The following DDAH2 variants were observed in gnomAD, a reference collection of about 807,000 sequenced individuals.
DDAH2 encodes putative hydrolase DDAH2.
In DDAH2, 8 loss-of-function variants were observed where a neutral mutation model predicts 24.8. The observed-to-expected ratio is 0.32, with a 90% CI of 0.19 to 0.58. The LOEUF (loss-of-function observed/expected upper bound fraction) is 0.58, where lower values mean the gene tolerates loss of function less well. Among genes scored for constraint, DDAH2 ranks in the 20% least tolerant of loss-of-function variants. The probability of loss-of-function intolerance (pLI) is 0.87; values close to 1 mark genes in which losing one functional copy is unlikely to be tolerated. For missense variants in DDAH2, 281 were observed against 379.0 expected (o/e 0.74, Z 2.15); for synonymous variants, 151 against 166.1 (o/e 0.91, Z 0.70).
rs750822347 is a variant in DDAH2, at chr6:31,727,161, CTCTA to C, written c.*72_*75del. On this transcript the variant is annotated 3_prime_UTR_variant, in exon 6 of 6. Transcript: ENST00000375789. The surrounding 1 kb of genome is among the most constrained non-coding windows in gnomAD (Gnocchi z 6.0). ...TCCCAACTACTGCCTATTCAGCATT[CTCTA>C]TCTAACCCTCCTTCCCCTTCTACTT... 9.1e-7 allele frequency: 1 copy of C among 1,098,722 alleles called. No individual in the cohort carries two copies. The highest frequency in any genetic ancestry group is 1.6e-5 in the African/African-American group (1 of 64,440). The allele number at this position is 1,098,722 out of a possible 1,614,324, so 68.1% of individuals were successfully genotyped here.
chr6:31,729,314 C>G, upstream of DDAH2: 1 of 655,180 alleles, frequency 1.5e-6, no homozygotes, highest in East Asian at 2.7e-5. This position sits in a 1 kb window ranked among gnomAD's most constrained non-coding sequence, Gnocchi z 6.7. Flanking sequence ...AGGTCTTCCT[C>G]CTGCCATCTC....
In DDAH2 at chr6:31,728,483, G is replaced by C. The variant is rs1047718950; in HGVS notation, c.439C>G (p.Arg147Gly). 2 of 1,612,702 alleles carry C rather than the reference G, an allele frequency of 1.2e-6. No individual in the cohort carries two copies. Among genetic ancestry groups the C allele is most frequent in the African/African-American group, 2.7e-5 (2 of 74,932 alleles). Residue 147 changes from arginine (R) to glycine (G), a missense_variant, in exon 3 of 6, where the codon CGA (arginine) becomes GGA (glycine). Arg to Gly is a moderately radical substitution (Grantham distance 125). Coordinates refer to ENST00000375789, the MANE Select transcript of DDAH2 (RefSeq NM_001303007.2). This position sits in a 1 kb window ranked among gnomAD's most constrained non-coding sequence, Gnocchi z 9.8. The stretch of plus-strand genomic sequence containing the variant: ...GTGTCCGCCACGATCTCAGCTCCTC[G>C]GTGATTGGTCCATTTGGAGAGGCCT... ...FVGLSKWTNH[R>G]GAEIVADTFR...
chr6:31,729,553 G>T (rs756067525), upstream of DDAH2: 7 of 245,408 alleles, frequency 2.9e-5, no homozygotes, highest in South Asian at 5.6e-4. This position sits in a 1 kb window ranked among gnomAD's most constrained non-coding sequence, Gnocchi z 6.7. Context: ...AAATGCAGCA[G>T]CCCCGCCCCC....
In DDAH2 at chr6:31,727,182, C is replaced by T. The variant is rs1807440218; in HGVS notation, c.*55G>A. Reference sequence around the variant, plus strand: ...CATTCTCTATCTAACCCTCCTTCCCCTTCTACTTCCTATACTATCCTACCC... The same window carrying T: ...CATTCTCTATCTAACCCTCCTTCCCTTTCTACTTCCTATACTATCCTACCC... On this transcript the variant is annotated 3_prime_UTR_variant, in exon 6 of 6. Coordinates refer to ENST00000375789, the MANE Select transcript of DDAH2 (RefSeq NM_001303007.2). The surrounding 1 kb of genome is among the most constrained non-coding windows in gnomAD (Gnocchi z 6.0). 2 of 1,338,714 alleles carry T rather than the reference C, an allele frequency of 1.5e-6. No homozygotes were observed. Among genetic ancestry groups the T allele is most frequent in the Non-Finnish European group, 2.1e-6 (2 of 937,422 alleles). 82.9% of individuals were successfully genotyped at this position (1,338,714 alleles called of 1,614,324 possible).
Position 31,728,317 on chromosome 6 carries a change from C to T in DDAH2, c.472-25G>A, listed in dbSNP as rs1807552198. Reference sequence around the variant, plus strand: ...CCTAGGGAGAGCGAAGGGAGGTATTCAGGGGCGCGGGAGGGGTGATGGGGT... The same window carrying T: ...CCTAGGGAGAGCGAAGGGAGGTATTTAGGGGCGCGGGAGGGGTGATGGGGT... On this transcript the variant is annotated intron_variant, in intron 3 of 5. Transcript: ENST00000375789. The surrounding 1 kb of genome is among the most constrained non-coding windows in gnomAD (Gnocchi z 9.8). 2 of 1,605,198 alleles carry T rather than the reference C, an allele frequency of 1.2e-6. No individual in the cohort carries two copies. Among genetic ancestry groups the T allele is most frequent in the South Asian group, 2.2e-5 (2 of 90,530 alleles).
upstream of DDAH2, chr6:31,729,379 C>A: frequency 3.4e-6 from 2 of 588,000 alleles, no homozygotes; most frequent in Non-Finnish European, 3.0e-6. This position sits in a 1 kb window ranked among gnomAD's most constrained non-coding sequence, Gnocchi z 6.7. Flanking sequence ...TCCTGTCGAC[C>A]TCACTCTACC....
In DDAH2 at chr6:31,727,119, C is replaced by A. The variant is rs1807432591; in HGVS notation, c.*118G>T. 1.3e-6 allele frequency: 1 copy of A among 754,010 alleles called. No homozygotes were observed. Among genetic ancestry groups the A allele is most frequent in the Non-Finnish European group, 2.3e-6 (1 of 430,064 alleles). 46.7% of individuals were successfully genotyped at this position (754,010 alleles called of 1,614,324 possible). On this transcript the variant is annotated 3_prime_UTR_variant, in exon 6 of 6. Coordinates refer to ENST00000375789, the MANE Select transcript of DDAH2 (RefSeq NM_001303007.2). The surrounding 1 kb of genome is among the most constrained non-coding windows in gnomAD (Gnocchi z 6.0). ...CCTTTTCCCTACACTCTCCCCTCCC[C>A]CAATATTGAGGCTCTCTCCCAACTA...
rs751063270 is a variant in DDAH2 at position 31,727,569 on chromosome 6, C to T, written c.715G>A (p.Gly239Ser). Reference protein sequence around the residue: ...GVPPFLLHRGGGDLPNSQEAL... With the variant: ...GVPPFLLHRGSGDLPNSQEAL... ...TCCTGGCTGTTGGGCAGATCCCCAC[C>T]TCCACGGTGCAGGAGGAAAGGGGGC... Residue 239 changes from glycine (G) to serine (S), a missense_variant, in exon 5 of 6, where the codon GGT becomes AGT. By Grantham distance (56) the Gly-to-Ser change is moderately conservative. Transcript: ENST00000375789. This position sits in a 1 kb window ranked among gnomAD's most constrained non-coding sequence, Gnocchi z 6.0. 6.2e-7 allele frequency: 1 copy of T among 1,613,090 alleles called. No homozygotes were observed. The highest frequency in any genetic ancestry group is 1.1e-5 in the South Asian group (1 of 91,082).
rs755755817 is a variant in DDAH2 at position 31,728,901 on chromosome 6, T to A, written c.261A>T (p.Leu87=). 6.2e-7 allele frequency: 1 copy of A among 1,613,036 alleles called. No individual in the cohort carries two copies. The highest frequency in any genetic ancestry group is 8.5e-7 in the Non-Finnish European group (1 of 1,180,004). The stretch of plus-strand genomic sequence containing the variant: ...GAGCGGGGCTCCAGGGCCGCGTGAT[T>A]AGGGCCGTGTCCCCTTGGATCACGG... ...DTAVIQGDTA[L]ITRPWSPARR... Residue 87 remains leucine (L), a synonymous_variant, in exon 1 of 6, where the codon CTA becomes CTT. Coordinates refer to ENST00000375789, the MANE Select transcript of DDAH2 (RefSeq NM_001303007.2). The surrounding 1 kb of genome is among the most constrained non-coding windows in gnomAD (Gnocchi z 9.8).
rs1807447657 is a variant in DDAH2 at position 31,727,255 on chromosome 6, G to A, written c.840C>T (p.Ser280=). The A allele has an allele frequency of 6.2e-7, 1 of 1,612,874 alleles. No homozygotes were observed. Among genetic ancestry groups the A allele is most frequent in the Admixed American group, 1.7e-5 (1 of 60,008 alleles). The part of the protein sequence containing the change: ...AGLSSLCLVL[S]TRPHS ...CAGGCCCTCAGCTGTGGGGGCGTGT[G>A]CTGAGCACCAAGCAGAGGGAGCTGA... The change falls in exon 6 of 6, where the codon AGC becomes AGT. Residue 280 remains serine, a synonymous_variant. Coordinates refer to ENST00000375789, the MANE Select transcript of DDAH2 (RefSeq NM_001303007.2). This position sits in a 1 kb window ranked among gnomAD's most constrained non-coding sequence, Gnocchi z 6.0.
In DDAH2 at chr6:31,727,115, T is replaced by A. The variant is rs749902463; in HGVS notation, c.*122A>T. 29 of 734,632 alleles carry A rather than the reference T, an allele frequency of 3.9e-5. No individual in the cohort carries two copies. The highest frequency in any genetic ancestry group is 6.5e-5 in the Non-Finnish European group (27 of 414,230). The allele number at this position is 734,632 out of a possible 1,614,324, so 45.5% of individuals were successfully genotyped here. ...GGATCCTTTTCCCTACACTCTCCCC[T>A]CCCCCAATATTGAGGCTCTCTCCCA... On this transcript the variant is annotated 3_prime_UTR_variant, in exon 6 of 6. Transcript: ENST00000375789. This position sits in a 1 kb window ranked among gnomAD's most constrained non-coding sequence, Gnocchi z 6.0.
rs572339787 is a variant in DDAH2 at position 31,728,137 on chromosome 6, C to T, written c.591+36G>A. The T allele has an allele frequency of 8.2e-5, 131 of 1,606,834 alleles. No individual in the cohort carries two copies. The East Asian group carries it at 2.9e-3, about 35-fold the overall frequency. ...AGCTCCCGGCCTCCCGGGCCCAGAA[C>T]TGCGCCCACTTTCGTTGGCCCCGCC... On this transcript the variant is annotated intron_variant, in intron 4 of 5. Transcript: ENST00000375789. The surrounding 1 kb of genome is among the most constrained non-coding windows in gnomAD (Gnocchi z 9.8).
Position 31,728,550 on chromosome 6 carries a change from T to G in DDAH2, c.398-26A>C, listed in dbSNP as rs1361469778. 1.2e-6 allele frequency: 2 copies of G among 1,612,552 alleles called. No individual in the cohort carries two copies. The highest frequency in any genetic ancestry group is 1.7e-6 in the Non-Finnish European group (2 of 1,179,844). On this transcript the variant is annotated intron_variant, in intron 2 of 5. Coordinates refer to ENST00000375789, the MANE Select transcript of DDAH2 (RefSeq NM_001303007.2). The surrounding 1 kb of genome is among the most constrained non-coding windows in gnomAD (Gnocchi z 9.8). ...CTGAGTCCGGGAGGCCGCGGAGGTT[T>G]GAGGGCGGGAGTGAGTTAGAAACAA...
rs953379428 is a variant in DDAH2 at position 31,727,485 on chromosome 6, A to G, written c.741+58T>C. The stretch of plus-strand genomic sequence containing the variant: ...GTACCCTTCCTTCCTCCCACTAGGA[A>G]AGCCTGAAACTCTTTTCTCTGATGG... On this transcript the variant is annotated intron_variant, in intron 5 of 5. Coordinates refer to ENST00000375789, the MANE Select transcript of DDAH2 (RefSeq NM_001303007.2). This position sits in a 1 kb window ranked among gnomAD's most constrained non-coding sequence, Gnocchi z 6.0. The G allele has an allele frequency of 1.9e-6, 3 of 1,612,188 alleles. No homozygotes were observed. The African/African-American group carries it at 4.0e-5, about 22-fold the overall frequency.
rs771138152 is a variant in DDAH2 at position 31,729,108 on chromosome 6, T to C, written c.54A>G (p.Gly18=). ...CCCCCGACGCCAGGCTCTCTGGGAC[T>C]CCCCGGATCAGGGCATGGGAGCAGC... The part of the protein sequence containing the change: ...LGRCSHALIR[G]VPESLASGEG... Residue 18 remains glycine, a synonymous_variant, in exon 1 of 6, where the codon GGA becomes GGG. Coordinates refer to ENST00000375789, the MANE Select transcript of DDAH2 (RefSeq NM_001303007.2). The surrounding 1 kb of genome is among the most constrained non-coding windows in gnomAD (Gnocchi z 6.7). 2 of 1,612,818 alleles carry C rather than the reference T, an allele frequency of 1.2e-6. No individual in the cohort carries two copies.
Position 31,727,256 on chromosome 6 carries a change from C to T in DDAH2, c.839G>A (p.Ser280Asn), listed in dbSNP as rs1807448196. 6.2e-7 allele frequency: 1 copy of T among 1,612,892 alleles called. No individual in the cohort carries two copies. The highest frequency in any genetic ancestry group is 1.7e-5 in the Admixed American group (1 of 60,008). Residue 280 changes from serine to asparagine, a missense_variant, in exon 6 of 6, where the codon AGC becomes AAC. Ser to Asn is a conservative substitution (Grantham distance 46, BLOSUM62 1). Transcript: ENST00000375789. This position sits in a 1 kb window ranked among gnomAD's most constrained non-coding sequence, Gnocchi z 6.0. The part of the protein sequence containing the change: ...AGLSSLCLVL[S>N]TRPHS ...AGGCCCTCAGCTGTGGGGGCGTGTG[C>T]TGAGCACCAAGCAGAGGGAGCTGAG... is the stretch of plus-strand genomic sequence containing the variant.
In DDAH2 at chr6:31,728,252, T is replaced by C. The variant is rs1347169707; in HGVS notation, c.512A>G (p.His171Arg). The change falls in exon 4 of 6, where the codon CAC becomes CGC. Residue 171 changes from histidine (H) to arginine (R), a missense_variant. Physicochemically the swap from His to Arg is conservative, Grantham distance 29. Transcript: ENST00000375789. The surrounding 1 kb of genome is among the most constrained non-coding windows in gnomAD (Gnocchi z 9.8). ...CCCCATGCCGCAGAGACCGCGCAGG[T>C]GGGAGGGACCCGAGACTGGCACAGT... The part of the protein sequence containing the change: ...VSTVPVSGPS[H>R]LRGLCGMGGP... The C allele has an allele frequency of 1.2e-6, 2 of 1,612,314 alleles. No individual in the cohort carries two copies. The highest frequency in any genetic ancestry group is 1.7e-6 in the Non-Finnish European group (2 of 1,179,726).
Position 31,728,223 on chromosome 6 carries a change from G to A in DDAH2, c.541C>T (p.Pro181Ser), listed in dbSNP as rs1432347573. Residue 181 changes from proline (P) to serine (S), a missense_variant, in exon 4 of 6, where the codon CCT (proline) becomes TCT (serine). Transcript: ENST00000375789. The surrounding 1 kb of genome is among the most constrained non-coding windows in gnomAD (Gnocchi z 9.8). ...HLRGLCGMGG[P>S]RTVVAGSSDA... ...CTGCTGCCTGCCACAACAGTGCGAG[G>A]TCCCCCCATGCCGCAGAGACCGCGC... is the stretch of plus-strand genomic sequence containing the variant. 3.5e-5 allele frequency: 56 copies of A among 1,612,706 alleles called. No homozygotes were observed. Among genetic ancestry groups the A allele is most frequent in the Non-Finnish European group, 4.5e-5 (53 of 1,179,984 alleles).
chr6:31,729,135 G>A lies in DDAH2; in HGVS notation c.27C>T (p.Gly9=). 1.2e-6 allele frequency: 2 copies of A among 1,610,148 alleles called. No homozygotes were observed. The highest frequency in any genetic ancestry group is 1.3e-5 in the African/African-American group (1 of 74,980). The change falls in exon 1 of 6, where the codon GGC becomes GGT. Residue 9 remains glycine (G), a synonymous_variant. Transcript: ENST00000375789. This position sits in a 1 kb window ranked among gnomAD's most constrained non-coding sequence, Gnocchi z 6.7. ...CCCGGATCAGGGCATGGGAGCAGCGGCCCAGCCCCTCCCCCGGCGTCCCCA... is the reference window on the plus strand; with the variant it reads ...CCCGGATCAGGGCATGGGAGCAGCGACCCAGCCCCTCCCCCGGCGTCCCCA... MGTPGEGL[G]RCSHALIRGV... is the part of the protein sequence containing the mutation.
Sources: gnomAD v4.1 joint callset for allele counts on GRCh38, gnomAD v4.1.1 for gene constraint, Gnocchi (gnomAD v3.1) non-coding constraint, MANE v1.5 for transcripts, NCBI Gene and HGNC (gene_info 2026-07-23, HGNC 2026-07-21) for gene names.